Variants in RGS6 observed in about 807,000 individuals in gnomAD.
RGS6 encodes the protein regulator of G-protein signaling 6.
Under a neutral mutation model 78.5 loss-of-function variants are expected in RGS6, and 30 were observed. The observed-to-expected ratio is 0.38, with a 90% CI of 0.29 to 0.52. The LOEUF is 0.52. RGS6 is among the 20% of genes least tolerant of loss of function. The pLI is 0.85. For missense variants in RGS6, 495 were observed against 609.7 expected (o/e 0.81, Z 1.98); for synonymous variants, 206 against 206.0 (o/e 1.00, Z 0.00).
intron 2 of RGS6, among the ~76,000 whole-genome samples, chr14:72,290,500 C>A (rs1333516552): frequency 2.0e-5 from 3 of 152,180 alleles, no homozygotes; most frequent in Non-Finnish European, 2.9e-5. Context: ...TTTTGGAAGT[C>A]CCTCGAAATG....
At chr14:72,402,790 G>GTTTTTTTTTTTTTTTT (rs1167831473) in intron 3 of RGS6, among the ~76,000 whole-genome samples, 2 of 75,800 alleles carry the variant, frequency 2.6e-5, no homozygotes. Context: ...TGTTTTTTTG[G>GTTTTTTTTTTTTTTTT]TTTTTTTTTT....
chr14:72,281,606 A>C (rs2061598860), intron 2 of RGS6, among the ~76,000 whole-genome samples: 1 of 152,190 alleles, frequency 6.6e-6, no homozygotes, highest in African/African-American at 2.4e-5. Context: ...AGATCTCTTT[A>C]GACTGGTTGG....
At chr14:71,927,738 A>C (rs1331936992), upstream of RGS6, among the ~76,000 whole-genome samples, 1 of 151,438 alleles carries the variant, frequency 6.6e-6, no homozygotes, top group Non-Finnish European at 1.5e-5. Context: ...ACTCACTGCA[A>C]ACTCCGCCTC....
rs114614337 is a variant in RGS6 at position 72,497,745 on chromosome 14, C to T, written c.965+2483C>T. ...TTTAAAGAATAACTAGTATATAGTACGTATCTTCTTTCTAATATTTCTGAT... is the reference window on the plus strand; with the variant it reads ...TTTAAAGAATAACTAGTATATAGTATGTATCTTCTTTCTAATATTTCTGAT... On this transcript the variant is annotated intron_variant, in intron 13 of 17. Transcript: ENST00000553525. 7.6e-3 allele frequency among the ~76,000 whole-genome samples: 1,158 copies of T among 152,052 alleles called. 17 individuals carry two copies. The highest frequency in any genetic ancestry group is 0.023 in the African/African-American group (967 of 41,478).
intron 3 of RGS6, among the ~76,000 whole-genome samples, chr14:72,378,052 CAA>C (rs2085200271): frequency 6.6e-6 from 1 of 152,086 alleles, no homozygotes; most frequent in Non-Finnish European, 1.5e-5. Context: ...ATATCAGTAA[CAA>C]GAGGGACATT....
chr14:72,315,687 A>G (rs995628704), intron 2 of RGS6, among the ~76,000 whole-genome samples: 2 of 152,206 alleles, frequency 1.3e-5, no homozygotes, highest in Non-Finnish European at 2.9e-5. Flanking sequence ...AGGTAATTTT[A>G]TAAGCATAGA....
At chr14:72,608,738 T>G in the RGS6 span, among the ~76,000 whole-genome samples, 1 of 152,308 alleles carries the variant, frequency 6.6e-6, no homozygotes, top group African/African-American at 2.4e-5. Context: ...GCTGTCACGG[T>G]GACTGTGGCT....
At chr14:72,229,583 CAG>C (rs1208778930) in intron 2 of RGS6, among the ~76,000 whole-genome samples, 25 of 152,144 alleles carry the variant, frequency 1.6e-4, no homozygotes, top group African/African-American at 6.0e-4. Flanking sequence ...AGATAACTGA[CAG>C]AGTCATTTAG....
chr14:71,873,428 C>A, the RGS6 span, among the ~76,000 whole-genome samples: 1 of 152,290 alleles, frequency 6.6e-6, no homozygotes, highest in African/African-American at 2.4e-5. Flanking sequence ...TTTTTGGCTG[C>A]ATAAATGTCT....
At position 72,415,381 on chromosome 14, in the gene RGS6, C is replaced by T. The variant is rs187703934; in HGVS notation, c.185-39147C>T. On this transcript the variant is annotated intron_variant, in intron 3 of 17. Transcript: ENST00000553525. ...CTCCTGGTGTGCCATTTGTTAAGCC[C>T]GTTGGAAAAGGGCAGTATTAGGGTG... Among the ~76,000 whole-genome samples, 71 of 152,368 alleles carry T rather than the reference C, an allele frequency of 4.7e-4. 1 individual carries two copies. The East Asian group carries it at 7.3e-3, about 16-fold the overall frequency.
chr14:71,979,786 G>A (rs1261716573), intron 2 of RGS6, among the ~76,000 whole-genome samples: 1 of 152,066 alleles, frequency 6.6e-6, no homozygotes, highest in East Asian at 1.9e-4. Flanking sequence ...TCTGCTTGGT[G>A]CAGAGCTGAG....
intron 2 of RGS6, among the ~76,000 whole-genome samples, chr14:72,231,503 A>G (rs1293101281): frequency 6.6e-6 from 1 of 152,196 alleles, no homozygotes; most frequent in Non-Finnish European, 1.5e-5. Flanking sequence ...CTCTGCCTTC[A>G]TGGGGCTTAA....
intron 2 of RGS6, among the ~76,000 whole-genome samples, chr14:72,262,346 G>A (rs1406521157): frequency 6.6e-6 from 1 of 152,196 alleles, no homozygotes; most frequent in African/African-American, 2.4e-5. Context: ...CAAGGTGGAG[G>A]CCTCTCTTCC....
intron 2 of RGS6, among the ~76,000 whole-genome samples, chr14:71,988,120 A>G (rs1242428287): frequency 6.6e-6 from 1 of 152,136 alleles, no homozygotes; most frequent in East Asian, 1.9e-4. Flanking sequence ...GAAGAGTCTG[A>G]CCCTGGGCGC....
intron 3 of RGS6, among the ~76,000 whole-genome samples, chr14:72,359,636 G>C (rs1029077677): frequency 1.3e-5 from 2 of 152,032 alleles, no homozygotes; most frequent in East Asian, 1.9e-4. Flanking sequence ...TAAAACACAG[G>C]GTACTCCAAT....
At chr14:72,300,990 T>C (rs146221699) in intron 2 of RGS6, among the ~76,000 whole-genome samples, 2 of 152,348 alleles carry the variant, frequency 1.3e-5, no homozygotes, top group East Asian at 1.9e-4. Flanking sequence ...CGCAGAACTT[T>C]AGAGGGGGAA....
intron 3 of RGS6, among the ~76,000 whole-genome samples, chr14:72,453,905 G>A (rs1200538893): frequency 2.0e-5 from 3 of 152,174 alleles, no homozygotes; most frequent in Non-Finnish European, 1.5e-5. Context: ...GAGCCATGTA[G>A]GAGTTTTTAT....
intron 2 of RGS6, among the ~76,000 whole-genome samples, chr14:71,968,113 C>A (rs1268385569): frequency 6.6e-6 from 1 of 152,144 alleles, no homozygotes; most frequent in African/African-American, 2.4e-5. Flanking sequence ...TGAAGACACC[C>A]AGACCTGTTA....
intron 3 of RGS6, among the ~76,000 whole-genome samples, chr14:72,394,860 T>A (rs202022998): frequency 6.6e-6 from 1 of 152,170 alleles, no homozygotes; most frequent in Non-Finnish European, 1.5e-5. Flanking sequence ...TAAGTGTCCA[T>A]GAAATCTTCA....
Sources: allele counts gnomAD v4.1 joint callset (sites outside exome capture counted in the v4.1 genomes callset), GRCh38; gene constraint gnomAD v4.1.1; transcripts MANE v1.5; gene names NCBI Gene and HGNC (gene_info 2026-07-23, HGNC 2026-07-21).